PIAS1: variants seen among roughly 807,000 people sequenced by gnomAD.
PIAS1 encodes the protein protein inhibitor of activated STAT 1.
A neutral mutation model predicts 71.3 loss-of-function variants in PIAS1; 6 were observed. The ratio of observed to expected loss-of-function variants is 0.08; its 90% CI spans 0.05 to 0.17. The LOEUF (loss-of-function observed/expected upper bound fraction) is 0.17, where lower values mean the gene tolerates loss of function less well. Ranked by LOEUF, PIAS1 falls within the 10% of genes least tolerant of loss-of-function variation. The pLI is 1.00. For synonymous variants in PIAS1, 303 were observed against 292.9 expected (o/e 1.03, Z -0.35); for missense variants, 555 against 793.6 (o/e 0.70, Z 3.61).
intron 2 of PIAS1, among the ~76,000 whole-genome samples, chr15:68,120,161 G>C (rs902365493): frequency 6.6e-6 from 1 of 151,552 alleles, no homozygotes; most frequent in Non-Finnish European, 1.5e-5. Flanking sequence ...TTACCATGAT[G>C]TATCTTTTCT....
At chr15:68,124,718 T>TCAAA (rs148167122) in intron 2 of PIAS1, among the ~76,000 whole-genome samples, 31,425 of 151,738 alleles carry the variant, frequency 0.21, 4,112 homozygotes, top group Middle Eastern at 0.32. Flanking sequence ...AGACTCTGGC[T>TCAAA]CAAACAAACA....
At chr15:68,084,425 C>CT (rs1193926263) in intron 1 of PIAS1, among the ~76,000 whole-genome samples, 3 of 152,118 alleles carry the variant, frequency 2.0e-5, no homozygotes, top group Admixed American at 2.0e-4. Flanking sequence ...ATTTTGTACT[C>CT]TTTTGGTGAG....
chr15:68,120,337 A>G (rs2092603049), intron 2 of PIAS1, among the ~76,000 whole-genome samples: 1 of 151,838 alleles, frequency 6.6e-6, no homozygotes, highest in Non-Finnish European at 1.5e-5. Context: ...TATTGTTGAT[A>G]TGGTTGCTTT....
intron 4 of PIAS1, among the ~76,000 whole-genome samples, chr15:68,145,125 A>T (rs2092799518): frequency 6.6e-6 from 1 of 152,212 alleles, no homozygotes; most frequent in African/African-American, 2.4e-5. Flanking sequence ...TTTATGAATT[A>T]TGTATCTTTC....
chr15:68,121,973 CA>C (rs1332478260), intron 2 of PIAS1, among the ~76,000 whole-genome samples: 1 of 151,918 alleles, frequency 6.6e-6, no homozygotes, highest in African/African-American at 2.4e-5. Flanking sequence ...ACAAAAAATA[CA>C]AAAAATTAGC....
At chr15:68,116,371 A>G (rs1184912274) in intron 2 of PIAS1, among the ~76,000 whole-genome samples, 4 of 152,202 alleles carry the variant, frequency 2.6e-5, no homozygotes, top group South Asian at 4.1e-4. Context: ...AGTTTTTGTC[A>G]TAAAGGTACG....
chr15:68,146,557 C>T lies in PIAS1; in HGVS notation c.694-9C>T. The T allele has an allele frequency of 6.2e-7, 1 of 1,600,060 alleles. No individual in the cohort carries two copies. Among genetic ancestry groups the T allele is most frequent in the Non-Finnish European group, 8.5e-7 (1 of 1,169,698 alleles). Reference sequence around the variant, plus strand: ...TAATAAGTATAAATAAATTACATTTCATTTTTAGGGTTACCTTCCACCTAC... The same window carrying T: ...TAATAAGTATAAATAAATTACATTTTATTTTTAGGGTTACCTTCCACCTAC... On this transcript the variant is annotated splice_polypyrimidine_tract_variant and intron_variant, in intron 5 of 13. Coordinates refer to ENST00000249636, the MANE Select transcript of PIAS1 (RefSeq NM_016166.3).
At chr15:68,166,343 G>GT (rs1416872340) in intron 8 of PIAS1, among the ~76,000 whole-genome samples, 7 of 149,730 alleles carry the variant, frequency 4.7e-5, no homozygotes, top group Admixed American at 1.3e-4. Context: ...TGGTTTTTTT[G>GT]TTTTTTTATT....
At chr15:68,077,606 T>G (rs2092182085) in intron 1 of PIAS1, among the ~76,000 whole-genome samples, 1 of 152,218 alleles carries the variant, frequency 6.6e-6, no homozygotes. Flanking sequence ...GTCAAGAAAG[T>G]TGGAGTAAAA....
chr15:68,141,903 C>A (rs778926882), intron 2 of PIAS1, 43 bp from the exon 3 acceptor site: 5 of 1,265,426 alleles, frequency 4.0e-6, no homozygotes, highest in Non-Finnish European at 4.5e-6. Flanking sequence ...TCTTTACTGG[C>A]GAATTTAAAG....
At chr15:68,058,735 A>T (rs1208486817) in intron 1 of PIAS1, among the ~76,000 whole-genome samples, 2 of 152,158 alleles carry the variant, frequency 1.3e-5, no homozygotes, top group Non-Finnish European at 2.9e-5. Context: ...AATTTCAGAG[A>T]ATCTGAGAAG....
chr15:68,120,027 C>A (rs1410359925), intron 2 of PIAS1, among the ~76,000 whole-genome samples: 1 of 152,158 alleles, frequency 6.6e-6, no homozygotes, highest in Admixed American at 6.5e-5. Flanking sequence ...AGGCTGGATT[C>A]AGACTCCTGG....
chr15:68,075,213 G>A (rs2092148773), intron 1 of PIAS1, among the ~76,000 whole-genome samples: 2 of 150,432 alleles, frequency 1.3e-5, no homozygotes, highest in African/African-American at 2.4e-5. Flanking sequence ...AGCCTCCTGA[G>A]TAGCTGGAAT....
intron 1 of PIAS1, among the ~76,000 whole-genome samples, chr15:68,082,833 C>T (rs80187654): frequency 0.2 from 31,065 of 151,940 alleles, 3,958 homozygotes; most frequent in Middle Eastern, 0.31. Context: ...GTGGTTGCCT[C>T]GGGGATTTGA....
At chr15:68,105,146 G>A (rs1038389228) in intron 2 of PIAS1, among the ~76,000 whole-genome samples, 1 of 152,136 alleles carries the variant, frequency 6.6e-6, no homozygotes, top group Non-Finnish European at 1.5e-5. Context: ...ATCTAGAAGT[G>A]TAGGAAATTC....
chr15:68,170,980 A>C (rs1477043068), intron 8 of PIAS1, among the ~76,000 whole-genome samples: 3 of 151,850 alleles, frequency 2.0e-5, no homozygotes, highest in Non-Finnish European at 4.4e-5. Context: ...TATTTTTTTT[A>C]ACTTTTGACT....
intron 8 of PIAS1, among the ~76,000 whole-genome samples, chr15:68,172,897 C>G (rs2093000284): frequency 1.3e-5 from 2 of 152,184 alleles, no homozygotes; most frequent in Admixed American, 6.5e-5. Flanking sequence ...GCTGGAGATG[C>G]TAGAGGTCCA....
Position 68,123,962 on chromosome 15 carries a change from ATG to A in PIAS1, c.470-17982_470-17981del, listed in dbSNP as rs1391088543. On this transcript the variant is annotated intron_variant, in intron 2 of 13. Coordinates refer to ENST00000249636, the MANE Select transcript of PIAS1 (RefSeq NM_016166.3). Reference sequence around the variant, plus strand: ...ATAATATAAACCTAAATATAGGTATATGTATACATATGTGTGAATATACACAC... The same window carrying A: ...ATAATATAAACCTAAATATAGGTATATATACATATGTGTGAATATACACAC... 2.5e-5 allele frequency among the ~76,000 whole-genome samples: 3 copies of A among 119,512 alleles called. No homozygotes were observed. The East Asian group carries it at 7.3e-4, about 29-fold the overall frequency. The allele number at this position is 119,512 out of a possible 152,430, so 78.4% of individuals were successfully genotyped here.
chr15:68,155,312 A>G lies in PIAS1; in HGVS notation c.934+1617A>G, dbSNP rs74020058. Reference sequence around the variant, plus strand: ...GGAGAATAATTGTACACTGGATGAGATTTTTGTGGAAATTGATACCTTACC... The same window carrying G: ...GGAGAATAATTGTACACTGGATGAGGTTTTTGTGGAAATTGATACCTTACC... On this transcript the variant is annotated intron_variant, in intron 7 of 13. Coordinates refer to ENST00000249636, the MANE Select transcript of PIAS1 (RefSeq NM_016166.3). 4.4e-3 allele frequency among the ~76,000 whole-genome samples: 676 copies of G among 152,228 alleles called. 6 individuals are homozygous for G. The highest frequency in any genetic ancestry group is 0.015 in the African/African-American group (624 of 41,534).
Sources: gnomAD v4.1 joint callset for allele counts (sites outside exome capture counted in the v4.1 genomes callset) on GRCh38, gnomAD v4.1.1 for gene constraint, MANE v1.5 for transcripts, NCBI Gene and HGNC (gene_info 2026-07-23, HGNC 2026-07-21) for gene names.